ADAM12: variants seen among roughly 807,000 people sequenced by gnomAD.
ADAM12 encodes the protein disintegrin and metalloproteinase domain-containing protein 12.
ADAM12 carries 70 observed loss-of-function variants against 106.4 expected under a neutral mutation model. The ratio of observed to expected loss-of-function variants is 0.66; its 90% CI spans 0.54 to 0.80. The LOEUF is 0.80. Ranked by LOEUF, ADAM12 falls within the 30% of genes least tolerant of loss-of-function variation. ADAM12 has a pLI of 0.00. For missense variants in ADAM12, 1,010 were observed against 1,171.9 expected (o/e 0.86, Z 2.02); for synonymous variants, 420 against 433.5 (o/e 0.97, Z 0.39).
At chr10:126,206,792 T>C (rs1204954599) in intron 3 of ADAM12, among the ~76,000 whole-genome samples, 1 of 141,580 alleles carries the variant, frequency 7.1e-6, no homozygotes, top group Non-Finnish European at 1.5e-5. Context: ...AGTGATACGG[T>C]TTGGCTGTGT....
chr10:126,157,032 T>TGGTCTGTGGTGGGC (rs1554977765), intron 3 of ADAM12, among the ~76,000 whole-genome samples: 1 of 151,350 alleles, frequency 6.6e-6, no homozygotes, highest in Admixed American at 6.6e-5. Flanking sequence ...TGTGTGTGTG[T>TGGTCTGTGGTGGGC]GGGGGGGTGC....
At chr10:126,181,157 C>T (rs7078367) in intron 3 of ADAM12, among the ~76,000 whole-genome samples, 12,671 of 151,564 alleles carry the variant, frequency 0.084, 1,090 homozygotes, top group African/African-American at 0.21. Flanking sequence ...CTGCAACCTC[C>T]GCCTCCTGGG....
At chr10:126,074,141 C>A (rs900938476) in intron 11 of ADAM12, among the ~76,000 whole-genome samples, 1 of 152,130 alleles carries the variant, frequency 6.6e-6, no homozygotes, top group African/African-American at 2.4e-5. Flanking sequence ...CTGTGACAAA[C>A]CATTATCAGT....
intron 3 of ADAM12, among the ~76,000 whole-genome samples, chr10:126,235,627 T>C (rs189444688): frequency 1.3e-4 from 20 of 152,206 alleles, no homozygotes; most frequent in African/African-American, 4.8e-4. Flanking sequence ...CCAGCCACAC[T>C]CAGAAGATGC....
intron 5 of ADAM12, among the ~76,000 whole-genome samples, chr10:126,133,856 C>A (rs1208666474): frequency 6.6e-6 from 1 of 152,174 alleles, no homozygotes; most frequent in Non-Finnish European, 1.5e-5. Flanking sequence ...TGATATGCTA[C>A]CTACCTCATC....
At chr10:126,327,841 TA>T (rs540962304) in intron 2 of ADAM12, among the ~76,000 whole-genome samples, 1 of 152,298 alleles carries the variant, frequency 6.6e-6, no homozygotes, top group South Asian at 2.1e-4. Flanking sequence ...GTCTGTTTCC[TA>T]CAGGCTACTA....
intron 5 of ADAM12, 183 bp downstream of exon 5, chr10:126,135,400 TG>T: frequency 1.7e-6 from 1 of 591,646 alleles, no homozygotes. Flanking sequence ...GCTAAGATCC[TG>T]GGTGGCCATG....
intron 1 of ADAM12, among the ~76,000 whole-genome samples, chr10:126,332,384 T>C (rs1223420995): frequency 6.6e-6 from 1 of 152,148 alleles, no homozygotes; most frequent in African/African-American, 2.4e-5. Context: ...AAAACTGCCC[T>C]CAGGACTTGC....
chr10:126,061,864 C>T (rs375301748), intron 14 of ADAM12, among the ~76,000 whole-genome samples: 19 of 152,264 alleles, frequency 1.2e-4, no homozygotes, highest in African/African-American at 4.3e-4. Flanking sequence ...CATTTATAAG[C>T]CATTAAGTTT....
intron 3 of ADAM12, among the ~76,000 whole-genome samples, chr10:126,235,368 A>C (rs1958393520): frequency 6.6e-6 from 1 of 152,176 alleles, no homozygotes; most frequent in Non-Finnish European, 1.5e-5. Flanking sequence ...AAACCTGGCT[A>C]CTCCAGAGCA....
intron 3 of ADAM12, among the ~76,000 whole-genome samples, chr10:126,263,461 T>C (rs1822517939): frequency 7.2e-6 from 1 of 139,744 alleles, no homozygotes; most frequent in Non-Finnish European, 1.6e-5. Context: ...TCACACTAGA[T>C]CCTCTTTGCT....
intron 11 of ADAM12, among the ~76,000 whole-genome samples, chr10:126,075,147 G>A (rs955000827): frequency 3.9e-5 from 6 of 152,122 alleles, no homozygotes; most frequent in African/African-American, 7.2e-5. Context: ...AAAATGCCTC[G>A]TTTATTGTTC....
intron 3 of ADAM12, among the ~76,000 whole-genome samples, chr10:126,265,431 G>A (rs1448875205): frequency 6.6e-6 from 1 of 152,184 alleles, no homozygotes; most frequent in African/African-American, 2.4e-5. Context: ...AACCTGGTGG[G>A]TGAAGTCTCA....
intron 1 of ADAM12, among the ~76,000 whole-genome samples, chr10:126,386,546 T>C (rs1343836223): frequency 1.3e-5 from 2 of 152,094 alleles, no homozygotes; most frequent in African/African-American, 4.8e-5. Flanking sequence ...CTATTTTGGG[T>C]CATATCTGTC....
chr10:126,318,562 A>ACTCACTCT (rs1853973578), intron 2 of ADAM12, among the ~76,000 whole-genome samples: 1 of 150,798 alleles, frequency 6.6e-6, no homozygotes, highest in African/African-American at 2.4e-5. Context: ...TCACATTCAC[A>ACTCACTCT]CTCACACACT....
chr10:126,160,825 C>A (rs987682940), intron 3 of ADAM12, among the ~76,000 whole-genome samples: 2 of 152,246 alleles, frequency 1.3e-5, no homozygotes, highest in Admixed American at 6.5e-5. Context: ...CTAGCTCATG[C>A]TACTCTAGCC....
intron 5 of ADAM12, chr10:126,135,283 A>G: frequency 2.8e-6 from 1 of 363,108 alleles, no homozygotes; most frequent in Admixed American, 4.2e-5. Context: ...AGCCACATAA[A>G]TGGAAAATAA....
At chr10:126,113,687 AATATATATATAT>A (rs71309278) in intron 6 of ADAM12, among the ~76,000 whole-genome samples, 104 of 24,094 alleles carry the variant, frequency 4.3e-3, no homozygotes, top group African/African-American at 0.012. Context: ...AAAAAAAAAA[AATATATATATAT>A]ATATATATAT....
intron 11 of ADAM12, among the ~76,000 whole-genome samples, chr10:126,079,131 T>A (rs1955160854): frequency 6.6e-6 from 1 of 152,246 alleles, no homozygotes; most frequent in South Asian, 2.1e-4. Context: ...ACCTGTATTT[T>A]AATAAGCTCT....
Sources: gnomAD v4.1 joint callset for allele counts (sites outside exome capture counted in the v4.1 genomes callset) on GRCh38, gnomAD v4.1.1 for gene constraint, MANE v1.5 for transcripts, NCBI Gene and HGNC (gene_info 2026-07-23, HGNC 2026-07-21) for gene names.